HTR1E: variants seen among roughly 807,000 people sequenced by gnomAD.
HTR1E encodes the protein 5-hydroxytryptamine receptor 1E.
Under a neutral mutation model 3.4 loss-of-function variants are expected in HTR1E, and 3 were observed. The ratio of observed to expected loss-of-function variants is 0.89; its 90% CI spans 0.41 to 2.31. The LOEUF (loss-of-function observed/expected upper bound fraction) is 2.31, where lower values mean the gene tolerates loss of function less well. HTR1E is among the 30% of genes most tolerant of loss of function. The probability of loss-of-function intolerance (pLI) is 0.05; values close to 1 mark genes in which losing one functional copy is unlikely to be tolerated. For missense variants in HTR1E, 392 were observed against 467.0 expected (o/e 0.84, Z 1.48); for synonymous variants, 170 against 182.8 (o/e 0.93, Z 0.56).
Position 87,015,344 on chromosome 6 carries a change from A to C in HTR1E, c.10A>C (p.Thr4Pro). The C allele has an allele frequency of 6.4e-7, 1 of 1,552,596 alleles. No individual in the cohort carries two copies. Among genetic ancestry groups the C allele is most frequent in the East Asian group, 2.3e-5 (1 of 44,030 alleles). MNI[T>P]NCTTEASMAI... Reference sequence around the variant, plus strand: ...CTGAAACAAGGGAAACATGAACATCACAAACTGTACCACAGAGGCCAGCAT... The same window carrying C: ...CTGAAACAAGGGAAACATGAACATCCCAAACTGTACCACAGAGGCCAGCAT... Residue 4 changes from threonine (T) to proline (P), a missense_variant, in exon 2 of 2, where the codon ACA becomes CCA. Around this residue, in one of 3 missense-constraint regions of HTR1E, gnomAD observed 189 missense variants for 258.0 expected, o/e 0.73. Transcript: ENST00000305344.
At chr6:86,938,262 C>T (rs1768498280) in intron 1 of HTR1E, among the ~76,000 whole-genome samples, 1 of 152,134 alleles carries the variant, frequency 6.6e-6, no homozygotes. Context: ...ATTAAAAAAC[C>T]TTTGATTAGA....
At chr6:87,010,486 G>A (rs1768206475) in intron 1 of HTR1E, among the ~76,000 whole-genome samples, 1 of 150,330 alleles carries the variant, frequency 6.7e-6, no homozygotes, top group Non-Finnish European at 1.5e-5. Flanking sequence ...CGGCCGGGCA[G>A]AGGCGCTCCT....
At chr6:86,983,593 T>C (rs1767742116) in intron 1 of HTR1E, among the ~76,000 whole-genome samples, 1 of 152,186 alleles carries the variant, frequency 6.6e-6, no homozygotes, top group Admixed American at 6.5e-5. Context: ...CTTCTAGAGC[T>C]TGATACCACA....
At chr6:86,982,963 C>T (rs1429304930) in intron 1 of HTR1E, among the ~76,000 whole-genome samples, 1 of 152,132 alleles carries the variant, frequency 6.6e-6, no homozygotes, top group African/African-American at 2.4e-5. Flanking sequence ...AAAGAGAGCT[C>T]CTGAAGCCAT....
chr6:87,002,670 G>A (rs111402743), intron 1 of HTR1E, among the ~76,000 whole-genome samples: 6,416 of 152,094 alleles, frequency 0.042, 191 homozygotes, highest in East Asian at 0.14. Context: ...CATTTTTACA[G>A]AGTGCTGATT....
intron 1 of HTR1E, among the ~76,000 whole-genome samples, chr6:86,952,486 TACACACACACAGACACACACACAC>T (rs1767259523): frequency 6.9e-6 from 1 of 144,942 alleles, no homozygotes; most frequent in African/African-American, 2.7e-5. Flanking sequence ...GGCTTACACA[TACACACACACAGACACACACACAC>T]ACACACACAC....
intron 1 of HTR1E, among the ~76,000 whole-genome samples, chr6:86,996,030 G>A (rs1767935807): frequency 6.6e-6 from 1 of 151,920 alleles, no homozygotes; most frequent in Non-Finnish European, 1.5e-5. Flanking sequence ...ACTAGAACTG[G>A]AGACTTCCAT....
intron 1 of HTR1E, among the ~76,000 whole-genome samples, chr6:87,001,049 T>A (rs1768016595): frequency 6.6e-6 from 1 of 152,194 alleles, no homozygotes; most frequent in South Asian, 2.1e-4. Flanking sequence ...CTTATTAGTT[T>A]ATTATTTATG....
chr6:86,979,295 T>TATTG (rs1767679663), intron 1 of HTR1E, among the ~76,000 whole-genome samples: 1 of 152,228 alleles, frequency 6.6e-6, no homozygotes, highest in Non-Finnish European at 1.5e-5. Flanking sequence ...GGAGAAACCA[T>TATTG]AATCATATGC....
At chr6:86,979,283 T>C (rs940514021) in intron 1 of HTR1E, among the ~76,000 whole-genome samples, 8 of 152,336 alleles carry the variant, frequency 5.3e-5, no homozygotes, top group African/African-American at 1.7e-4. Flanking sequence ...TCCAGTTCAA[T>C]AGGAGAAACC....
intron 1 of HTR1E, among the ~76,000 whole-genome samples, chr6:86,989,695 T>C (rs777101280): frequency 2.0e-5 from 3 of 152,166 alleles, no homozygotes; most frequent in Admixed American, 6.5e-5. Context: ...AACCATAGGA[T>C]GTTAGCCCCA....
Position 87,016,378 on chromosome 6 carries a change from T to C in HTR1E, c.1044T>C (p.Asn348=). 1.9e-6 allele frequency: 3 copies of C among 1,612,396 alleles called. No individual in the cohort carries two copies. Among genetic ancestry groups the C allele is most frequent in the East Asian group, 2.2e-5 (1 of 44,822 alleles). ...LINPLLYTSF[N]EDFKLAFKKL... is the part of the protein sequence containing the mutation. ...ACCCTCTGCTCTATACGAGTTTTAA[T>C]GAAGACTTTAAGCTGGCTTTTAAAA... The change falls in exon 2 of 2, where the codon AAT becomes AAC. Residue 348 remains asparagine (N), a synonymous_variant. Transcript: ENST00000305344.
intron 1 of HTR1E, among the ~76,000 whole-genome samples, chr6:86,943,147 T>A (rs889367045): frequency 2.0e-5 from 3 of 152,214 alleles, no homozygotes; most frequent in Non-Finnish European, 4.4e-5. Context: ...CCTGTTATAT[T>A]AAAATACATG....
intron 1 of HTR1E, among the ~76,000 whole-genome samples, chr6:86,941,470 A>G (rs1409050208): frequency 6.6e-6 from 1 of 152,184 alleles, no homozygotes; most frequent in Non-Finnish European, 1.5e-5. Context: ...TATTCCCCTA[A>G]AACACGTCAA....
intron 1 of HTR1E, among the ~76,000 whole-genome samples, chr6:86,942,003 C>T (rs1429976680): frequency 1.3e-5 from 2 of 152,050 alleles, no homozygotes; most frequent in Non-Finnish European, 2.9e-5. Context: ...ATAAAAATGC[C>T]ATTAGAAAGA....
chr6:87,004,431 T>C (rs1033781291), intron 1 of HTR1E, among the ~76,000 whole-genome samples: 6 of 152,210 alleles, frequency 3.9e-5, no homozygotes, highest in African/African-American at 9.6e-5. Flanking sequence ...GATGCTAGAA[T>C]GGCTCAACAT....
rs1224389084 is a variant in HTR1E at position 87,016,283 on chromosome 6, A to G, written c.949A>G (p.Ser317Gly). The change falls in exon 2 of 2, where the codon AGC becomes GGC. Residue 317 changes from serine to glycine, a missense_variant. Ser to Gly is a moderately conservative substitution (Grantham distance 56). Transcript: ENST00000305344. ...CATCAAAGAGTTGATTGTGGGTCTG[A>G]GCATCTACACCGTGTCCTCGGAAGT... ...FFIKELIVGL[S>G]IYTVSSEVAD... 1.2e-6 allele frequency: 2 copies of G among 1,611,764 alleles called. No homozygotes were observed. Among genetic ancestry groups the G allele is most frequent in the African/African-American group, 1.3e-5 (1 of 74,474 alleles).
chr6:87,016,629 T>C lies in HTR1E; in HGVS notation c.*197T>C, dbSNP rs180767786. On this transcript the variant is annotated 3_prime_UTR_variant, in exon 2 of 2. Transcript: ENST00000305344. Reference sequence around the variant, plus strand: ...TATTTGGCGTGCTGTTTTCTACCTCTGGTCTTATCTGTGATACATAATTTC... The same window carrying C: ...TATTTGGCGTGCTGTTTTCTACCTCCGGTCTTATCTGTGATACATAATTTC... 5.0e-4 allele frequency: 233 copies of C among 468,742 alleles called. 1 individual carries two copies. Among genetic ancestry groups the C allele is most frequent in the African/African-American group, 4.4e-3 (224 of 50,864 alleles). 29.0% of individuals were successfully genotyped at this position (468,742 alleles called of 1,614,324 possible). A position where few individuals can be genotyped will look rare whatever the true frequency, so the allele number is the denominator to read the frequency against.
chr6:86,979,418 T>C (rs1276904605), intron 1 of HTR1E, among the ~76,000 whole-genome samples: 4 of 152,160 alleles, frequency 2.6e-5, no homozygotes, highest in Non-Finnish European at 4.4e-5. Flanking sequence ...ATAGTAACTA[T>C]AGATGGTCAG....
Sources: gnomAD v4.1 joint callset for allele counts (sites outside exome capture counted in the v4.1 genomes callset) on GRCh38, gnomAD v4.1.1 for gene constraint, gnomAD v4.1.1 regional missense constraint, MANE v1.5 for transcripts, NCBI Gene and HGNC (gene_info 2026-07-23, HGNC 2026-07-21) for gene names.